SIPA1L2: variants seen among roughly 807,000 people sequenced by gnomAD.
SIPA1L2 encodes signal-induced proliferation-associated 1-like protein 2.
SIPA1L2 carries 56 observed loss-of-function variants against 163.9 expected under a neutral mutation model. The observed-to-expected ratio is 0.34, with a 90% CI of 0.28 to 0.43. The LOEUF is 0.43. Ranked by LOEUF, SIPA1L2 falls within the 20% of genes least tolerant of loss-of-function variation. The pLI is 1.00. For synonymous variants in SIPA1L2, 877 were observed against 865.7 expected (o/e 1.01, Z -0.23); for missense variants, 1,974 against 2,193.5 (o/e 0.90, Z 2.00).
At chr1:232,547,617 T>A (rs911121660) in intron 2 of SIPA1L2, among the ~76,000 whole-genome samples, 3 of 148,926 alleles carry the variant, frequency 2.0e-5, no homozygotes, top group Non-Finnish European at 4.5e-5. Context: ...CAGATAAGAG[T>A]GAGAAAAAGT....
At chr1:232,443,523 G>A (rs919325435) in intron 12 of SIPA1L2, 79 bp downstream of exon 12, 10 of 1,109,024 alleles carry the variant, frequency 9.0e-6, no homozygotes, top group Non-Finnish European at 1.3e-5. Context: ...GGTACAGAAG[G>A]CACACAGTAA....
chr1:232,593,841 A>C (rs924108679), intron 1 of SIPA1L2, among the ~76,000 whole-genome samples: 1 of 152,220 alleles, frequency 6.6e-6, no homozygotes, highest in African/African-American at 2.4e-5. Context: ...AAATGGTTGT[A>C]CCGCCCTCAC....
intron 2 of SIPA1L2, among the ~76,000 whole-genome samples, chr1:232,521,332 CCTTGATGTAGTTAAGAA>C (rs1469076380): frequency 1.3e-5 from 2 of 152,176 alleles, no homozygotes; most frequent in Non-Finnish European, 2.9e-5. Context: ...AAGCTGATCT[CCTTGATGTAGTTAAGAA>C]TTTTTTCATT....
intron 3 of SIPA1L2, among the ~76,000 whole-genome samples, chr1:232,508,822 T>C (rs1666851358): frequency 1.3e-5 from 2 of 152,232 alleles, no homozygotes; most frequent in South Asian, 2.1e-4. Flanking sequence ...CTGGGTGCGG[T>C]GGCTCACGCC....
intron 1 of SIPA1L2, among the ~76,000 whole-genome samples, chr1:232,605,419 G>A (rs1468223481): frequency 1.3e-5 from 2 of 152,234 alleles, no homozygotes; most frequent in African/African-American, 4.8e-5. Context: ...TCCCAGCTGG[G>A]TGTGGTGGCT....
At chr1:232,627,127 T>C (rs1235580531) in intron 1 of SIPA1L2, among the ~76,000 whole-genome samples, 1 of 152,146 alleles carries the variant, frequency 6.6e-6, no homozygotes, top group Non-Finnish European at 1.5e-5. Context: ...TTTAAAAGGA[T>C]TTGTAATCCT....
chr1:232,468,719 A>T (rs746272486), intron 8 of SIPA1L2, among the ~76,000 whole-genome samples: 13 of 152,208 alleles, frequency 8.5e-5, no homozygotes, highest in Non-Finnish European at 1.6e-4. Context: ...ATCATTTTCT[A>T]TAGGTATCTC....
At chr1:232,462,124 G>A (rs1206443476) in intron 9 of SIPA1L2, 5 of 1,108,536 alleles carry the variant, frequency 4.5e-6, no homozygotes, top group African/African-American at 3.1e-5. Flanking sequence ...GAACATGAAA[G>A]AAGAATGGTG....
intron 3 of SIPA1L2, among the ~76,000 whole-genome samples, chr1:232,506,855 T>C (rs1480120963): frequency 6.6e-6 from 1 of 152,200 alleles, no homozygotes; most frequent in Non-Finnish European, 1.5e-5. Context: ...AGATCATAAT[T>C]TTAAATATAT....
At chr1:232,566,136 T>C (rs1401998704) in intron 2 of SIPA1L2, among the ~76,000 whole-genome samples, 1 of 152,174 alleles carries the variant, frequency 6.6e-6, no homozygotes, top group East Asian at 1.9e-4. Flanking sequence ...AGCTAGGGCT[T>C]AGACCACTGC....
At chr1:232,527,725 C>CTTTTTTTTTTTT (rs57868657) in intron 2 of SIPA1L2, among the ~76,000 whole-genome samples, 24 of 80,950 alleles carry the variant, frequency 3.0e-4, no homozygotes, top group East Asian at 3.9e-4. Flanking sequence ...TCTTCTTCTT[C>CTTTTTTTTTTTT]TTTTTTTTTT....
At chr1:232,462,519 C>T (rs12140277) in intron 9 of SIPA1L2, 95,820 of 565,670 alleles carry the variant, frequency 0.17, 9,578 homozygotes, top group Non-Finnish European at 0.21. Flanking sequence ...CCCAGACAGG[C>T]ATGACAGTTC....
At chr1:232,552,665 C>G (rs1323911108) in intron 2 of SIPA1L2, among the ~76,000 whole-genome samples, 2 of 152,122 alleles carry the variant, frequency 1.3e-5, no homozygotes, top group African/African-American at 2.4e-5. Context: ...CCACCACACA[C>G]AGCCAATAAG....
chr1:232,477,274 GC>G (rs1665096184), intron 7 of SIPA1L2, among the ~76,000 whole-genome samples: 1 of 152,120 alleles, frequency 6.6e-6, no homozygotes, highest in African/African-American at 2.4e-5. Flanking sequence ...AAAATAAAAT[GC>G]AAATTAGGTC....
chr1:232,566,516 G>A (rs533401048), intron 2 of SIPA1L2, among the ~76,000 whole-genome samples: 10 of 152,212 alleles, frequency 6.6e-5, no homozygotes, highest in South Asian at 4.1e-4. Flanking sequence ...TTTCACTAAC[G>A]GAATATACAA....
chr1:232,550,203 CAA>C (rs1658293755), intron 2 of SIPA1L2, among the ~76,000 whole-genome samples: 1 of 152,156 alleles, frequency 6.6e-6, no homozygotes. Flanking sequence ...GTTCATTACT[CAA>C]AAGACCATCT....
intron 1 of SIPA1L2, among the ~76,000 whole-genome samples, chr1:232,588,587 A>T (rs1285788694): frequency 6.6e-6 from 1 of 152,208 alleles, no homozygotes; most frequent in East Asian, 1.9e-4. Flanking sequence ...ATCTCGACCA[A>T]ACTTTGAGAT....
chr1:232,591,169 A>C lies in SIPA1L2; in HGVS notation c.-318-16947T>G, dbSNP rs185602124. On this transcript the variant is annotated intron_variant, in intron 1 of 22. Transcript: ENST00000674635. ...ACATAGGAACAATGACAAAACAGCC[A>C]AAAAGCATTTAAATGGAAAGAGTTA... Among the ~76,000 whole-genome samples the C allele has an allele frequency of 4.3e-3, 649 of 152,366 alleles. 3 individuals carry two copies. Among genetic ancestry groups the C allele is most frequent in the Non-Finnish European group, 7.3e-3 (496 of 68,030 alleles).
chr1:232,416,495 A>G (rs371977504), intron 18 of SIPA1L2, among the ~76,000 whole-genome samples: 4 of 152,052 alleles, frequency 2.6e-5, no homozygotes, highest in African/African-American at 7.2e-5. Flanking sequence ...ACAAATCCTC[A>G]TTTTCTTCAG....
Sources: gnomAD v4.1 joint callset for allele counts (sites outside exome capture counted in the v4.1 genomes callset) on GRCh38, gnomAD v4.1.1 for gene constraint, MANE v1.5 for transcripts, NCBI Gene and HGNC (gene_info 2026-07-23, HGNC 2026-07-21) for gene names.